Variants in PRKN observed in about 807,000 individuals in gnomAD.
PRKN encodes the protein parkin RBR E3 ubiquitin protein ligase, also known as E3 ubiquitin-protein ligase parkin.
In PRKN, 56 loss-of-function variants were observed where a neutral mutation model predicts 59.5. The ratio of observed to expected loss-of-function variants is 0.94; its 90% CI spans 0.76 to 1.18. The LOEUF is 1.18. PRKN is among the 50% of genes most tolerant of loss of function. The pLI is 0.00. For missense variants in PRKN, 657 were observed against 596.4 expected (o/e 1.10, Z -1.06); for synonymous variants, 250 against 222.1 (o/e 1.13, Z -1.12).
chr6:162,134,488 T>C (rs1781493420), intron 4 of PRKN, among the ~76,000 whole-genome samples: 1 of 151,908 alleles, frequency 6.6e-6, no homozygotes, highest in African/African-American at 2.4e-5. Flanking sequence ...GCTAGGGAGG[T>C]GGCCAGGAGA....
At chr6:161,793,108 C>T (rs984725924) in intron 6 of PRKN, among the ~76,000 whole-genome samples, 6 of 152,196 alleles carry the variant, frequency 3.9e-5, no homozygotes, top group Admixed American at 1.3e-4. Context: ...GAGCAACCCC[C>T]CTCACTGGAG....
chr6:162,466,343 A>C (rs746067019), intron 1 of PRKN, among the ~76,000 whole-genome samples: 15 of 152,182 alleles, frequency 9.9e-5, no homozygotes, highest in Non-Finnish European at 1.6e-4. Flanking sequence ...CTAACATTTA[A>C]TATTAATCTA....
intron 6 of PRKN, among the ~76,000 whole-genome samples, chr6:161,897,945 T>G (rs369788754): frequency 1.4e-4 from 7 of 50,640 alleles, no homozygotes; most frequent in Admixed American, 6.3e-4. Context: ...CCAGCCTGGG[T>G]GACAGAGCGA....
chr6:161,812,330 TG>T (rs1245997429), intron 6 of PRKN, among the ~76,000 whole-genome samples: 1 of 151,936 alleles, frequency 6.6e-6, no homozygotes, highest in Non-Finnish European at 1.5e-5. Flanking sequence ...GCCAGAAGTT[TG>T]AGGCTGCAGA....
intron 1 of PRKN, among the ~76,000 whole-genome samples, chr6:162,677,163 T>A (rs1779584159): frequency 6.7e-6 from 1 of 149,390 alleles, no homozygotes; most frequent in African/African-American, 2.5e-5. Context: ...CAAATTCTGA[T>A]CACAGGGCAT....
At chr6:162,692,776 AT>A (rs1777829678) in intron 1 of PRKN, among the ~76,000 whole-genome samples, 3 of 152,132 alleles carry the variant, frequency 2.0e-5, no homozygotes, top group Admixed American at 1.3e-4. Flanking sequence ...AATCTGTATC[AT>A]TTTGCTATAT....
intron 2 of PRKN, among the ~76,000 whole-genome samples, chr6:162,291,969 T>G (rs914204275): frequency 4.0e-5 from 6 of 150,856 alleles, no homozygotes; most frequent in Non-Finnish European, 7.4e-5. Flanking sequence ...TTGTTTTTTT[T>G]TTTTTTTTTC....
intron 1 of PRKN, chr6:162,727,283 A>AGGGGCAAAGGTGAGGGGCGGCGGC: frequency 3.8e-6 from 1 of 265,568 alleles, no homozygotes; most frequent in East Asian, 1.2e-4. Flanking sequence ...CAGTGAGGTG[A>AGGGGCAAAGGTGAGGGGCGGCGGC]GGGGCGAAGG....
intron 1 of PRKN, among the ~76,000 whole-genome samples, chr6:162,470,388 G>A (rs1000294929): frequency 2.0e-5 from 3 of 152,080 alleles, no homozygotes; most frequent in African/African-American, 7.2e-5. Context: ...GGCAGATCAC[G>A]AGGTCAGGAG....
At chr6:162,577,335 C>T (rs1583839342) in intron 1 of PRKN, among the ~76,000 whole-genome samples, 1 of 150,890 alleles carries the variant, frequency 6.6e-6, no homozygotes, top group East Asian at 2.0e-4. Flanking sequence ...CACGGTGGCT[C>T]GTGCCTGTAA....
chr6:162,724,363 G>A (rs1399572079), intron 1 of PRKN, among the ~76,000 whole-genome samples: 1 of 152,158 alleles, frequency 6.6e-6, no homozygotes, highest in Non-Finnish European at 1.5e-5. Flanking sequence ...ATGCAGGTGG[G>A]AAATGTAAGT....
chr6:161,643,691 G>A (rs945690310), intron 7 of PRKN, among the ~76,000 whole-genome samples: 2 of 152,140 alleles, frequency 1.3e-5, no homozygotes, highest in African/African-American at 4.8e-5. Flanking sequence ...GATAGAGAGG[G>A]ACATCAGTGT....
chr6:162,528,881 T>TA (rs1326217364), intron 1 of PRKN, among the ~76,000 whole-genome samples: 1 of 152,096 alleles, frequency 6.6e-6, no homozygotes, highest in African/African-American at 2.4e-5. Flanking sequence ...GCTTTTTACT[T>TA]ATTTATTTTT....
intron 6 of PRKN, among the ~76,000 whole-genome samples, chr6:161,839,996 C>T (rs1407675330): frequency 6.6e-6 from 1 of 152,242 alleles, no homozygotes; most frequent in African/African-American, 2.4e-5. Context: ...GAGGCACTCG[C>T]CCATCTCAGG....
At chr6:162,687,659 CAAAAATTCCCCTTCTGA>C (rs1420851937) in intron 1 of PRKN, among the ~76,000 whole-genome samples, 1 of 152,088 alleles carries the variant, frequency 6.6e-6, no homozygotes, top group Non-Finnish European at 1.5e-5. Flanking sequence ...ACATGAAATA[CAAAAATTCCCCTTCTGA>C]AAAATTATAA....
intron 3 of PRKN, among the ~76,000 whole-genome samples, chr6:162,228,288 T>C (rs1778273033): frequency 6.6e-6 from 1 of 152,158 alleles, no homozygotes; most frequent in South Asian, 2.1e-4. Context: ...GGAATTGACT[T>C]CTTAGAGTAT....
intron 7 of PRKN, among the ~76,000 whole-genome samples, chr6:161,641,822 C>T (rs982429695): frequency 2.0e-5 from 3 of 152,220 alleles, no homozygotes; most frequent in Non-Finnish European, 4.4e-5. Flanking sequence ...TGCCATACAC[C>T]ATCCTGATGG....
intron 3 of PRKN, among the ~76,000 whole-genome samples, chr6:162,203,662 A>T (rs1019485129): frequency 1.3e-5 from 2 of 152,088 alleles, no homozygotes; most frequent in Non-Finnish European, 2.9e-5. Context: ...TGGAGTCATA[A>T]CTCTTAGAGG....
At chr6:162,173,562 A>G (rs1273985418) in intron 4 of PRKN, among the ~76,000 whole-genome samples, 1 of 148,854 alleles carries the variant, frequency 6.7e-6, no homozygotes, top group Non-Finnish European at 1.5e-5. Flanking sequence ...AATTAAACAG[A>G]CTTTCTCACT....
Sources: gnomAD v4.1 joint callset for allele counts (sites outside exome capture counted in the v4.1 genomes callset) on GRCh38, gnomAD v4.1.1 for gene constraint, MANE v1.5 for transcripts, NCBI Gene and HGNC (gene_info 2026-07-23, HGNC 2026-07-21) for gene names.